Variants in SYTL3 observed in about 807,000 individuals in gnomAD.
The protein encoded by SYTL3 is synaptotagmin-like protein 3.
SYTL3 carries 88 observed loss-of-function variants against 82.1 expected under a neutral mutation model. The ratio of observed to expected loss-of-function variants is 1.07; its 90% CI spans 0.90 to 1.28. SYTL3 has a LOEUF of 1.28. SYTL3 is among the 50% of genes most tolerant of loss of function. The pLI is 0.00. For synonymous variants in SYTL3, 311 were observed against 289.4 expected (o/e 1.07, Z -0.76); for missense variants, 831 against 757.6 (o/e 1.10, Z -1.14).
intron 5 of SYTL3, among the ~76,000 whole-genome samples, chr6:158,679,027 T>C (rs1778363595): frequency 1.3e-5 from 2 of 152,184 alleles, no homozygotes; most frequent in African/African-American, 4.8e-5. Context: ...CTACAGGATC[T>C]ATCACCTCTA....
At chr6:158,687,431 AC>A (rs1249335426) in intron 6 of SYTL3, among the ~76,000 whole-genome samples, 4 of 152,162 alleles carry the variant, frequency 2.6e-5, no homozygotes, top group African/African-American at 9.7e-5. Context: ...CAGAAGCCAC[AC>A]CCTGTCATTT....
rs544841096 is a variant in SYTL3 at position 158,674,119 on chromosome 6, A to AATAATAATAATGATG, written c.329+8508_329+8509insAATAATAATGATGAT. 3.1e-3 allele frequency among the ~76,000 whole-genome samples: 441 copies of AATAATAATAATGATG among 141,434 alleles called. 5 individuals carry two copies. The highest frequency in any genetic ancestry group is 0.011 in the African/African-American group (397 of 36,462). 92.8% of individuals were successfully genotyped at this position (141,434 alleles called of 152,430 possible). ...TAATAATAATAATAATAATAATAAT[A>AATAATAATAATGATG]ATGATGATGATGATGATAATCTTCT... On this transcript the variant is annotated intron_variant, in intron 5 of 17. Coordinates refer to ENST00000611299, the MANE Select transcript of SYTL3 (RefSeq NM_001242394.2).
chr6:158,679,281 G>C (rs1778389261), intron 5 of SYTL3, among the ~76,000 whole-genome samples: 1 of 151,942 alleles, frequency 6.6e-6, no homozygotes. Flanking sequence ...GAGGAGGGAG[G>C]ATCACTTGAA....
At chr6:158,733,136 A>G (rs1785635820) in intron 11 of SYTL3, among the ~76,000 whole-genome samples, 1 of 152,132 alleles carries the variant, frequency 6.6e-6, no homozygotes, top group Non-Finnish European at 1.5e-5. Flanking sequence ...TATCCTATGT[A>G]GCTGTTAGAT....
chr6:158,704,318 T>TCCCTC (rs1781705724), intron 6 of SYTL3, among the ~76,000 whole-genome samples: 1 of 152,184 alleles, frequency 6.6e-6, no homozygotes, highest in Non-Finnish European at 1.5e-5. Context: ...AGTGCAACGT[T>TCCCTC]CCCTCTCCAG....
intron 6 of SYTL3, among the ~76,000 whole-genome samples, chr6:158,685,734 C>G (rs765278183): frequency 2.6e-5 from 4 of 152,094 alleles, no homozygotes; most frequent in Non-Finnish European, 5.9e-5. Context: ...AGGAGAATTG[C>G]TTAAAGCTGG....
chr6:158,732,285 C>T (rs150356718), intron 11 of SYTL3, among the ~76,000 whole-genome samples: 111 of 152,306 alleles, frequency 7.3e-4, no homozygotes, highest in African/African-American at 2.2e-3. Flanking sequence ...AATCACTCCT[C>T]CCAAGCACAA....
At chr6:158,721,569 T>C (rs2128474596) in intron 10 of SYTL3, among the ~76,000 whole-genome samples, 1 of 152,202 alleles carries the variant, frequency 6.6e-6, no homozygotes, top group African/African-American at 2.4e-5. Context: ...TCAGCAATGA[T>C]AGTATGATCT....
intron 8 of SYTL3, among the ~76,000 whole-genome samples, chr6:158,709,991 C>T (rs1333190885): frequency 2.0e-5 from 3 of 151,988 alleles, no homozygotes; most frequent in Non-Finnish European, 4.4e-5. Context: ...GCCATGATTG[C>T]GCCAATGCGT....
At chr6:158,681,117 A>G (rs1400250069) in intron 5 of SYTL3, among the ~76,000 whole-genome samples, 1 of 152,206 alleles carries the variant, frequency 6.6e-6, no homozygotes, top group Non-Finnish European at 1.5e-5. Flanking sequence ...TTTTTCTTAA[A>G]TTTGCATAAC....
At chr6:158,745,720 T>A in intron 12 of SYTL3, 62 bp downstream of exon 12, 4 of 1,244,656 alleles carry the variant, frequency 3.2e-6, no homozygotes, top group East Asian at 2.6e-5. Context: ...TATGAAAAAG[T>A]AAAAGTCTAA....
At chr6:158,752,149 C>G in intron 13 of SYTL3, 119 bp downstream of exon 13, 1 of 543,970 alleles carries the variant, frequency 1.8e-6, no homozygotes, top group Non-Finnish European at 3.1e-6. Context: ...AATACAGACA[C>G]CTATATGTTT....
Position 158,665,627 on chromosome 6 carries a change from G to T in SYTL3, c.329+14G>T, listed in dbSNP as rs199704961. On this transcript the variant is annotated intron_variant, in intron 5 of 17. Coordinates refer to ENST00000611299, the MANE Select transcript of SYTL3 (RefSeq NM_001242394.2). ...CTTCGAGGACAGGTAAGCATGGCCGGTGGTTGGATCCCTCCCACTGATTCA... is the reference window on the plus strand; with the variant it reads ...CTTCGAGGACAGGTAAGCATGGCCGTTGGTTGGATCCCTCCCACTGATTCA... 1.5e-4 allele frequency: 226 copies of T among 1,531,142 alleles called. 1 individual carries two copies. In the East Asian group the frequency reaches 4.6e-3, roughly 31 times the overall value. The allele number at this position is 1,531,142 out of a possible 1,614,324, so 94.8% of individuals were successfully genotyped here.
At chr6:158,745,715 A>G (rs1203223599) in intron 12 of SYTL3, 57 bp downstream of exon 12, 3 of 1,357,634 alleles carry the variant, frequency 2.2e-6, no homozygotes, top group African/African-American at 3.0e-5. Context: ...ATGTATATGA[A>G]AAAGTAAAAG....
chr6:158,648,590 CAAA>C (rs869171730), upstream of SYTL3, among the ~76,000 whole-genome samples: 4 of 131,424 alleles, frequency 3.0e-5, no homozygotes, highest in South Asian at 7.3e-4. Flanking sequence ...GACTCGGTCT[CAAA>C]AAAAAAAAAA....
chr6:158,763,913 G>A (rs917198969), intron 17 of SYTL3, among the ~76,000 whole-genome samples: 20 of 152,186 alleles, frequency 1.3e-4, no homozygotes, highest in African/African-American at 3.9e-4. Flanking sequence ...GGGCACCGCC[G>A]GCATGGTAGG....
At position 158,704,905 on chromosome 6, in the gene SYTL3, ACCCAGGG is replaced by A. The variant is rs1562399236; in HGVS notation, c.395-2323_395-2317del. On this transcript the variant is annotated intron_variant, in intron 6 of 17. Transcript: ENST00000611299. ...TGTAAGGCCACATAGGGCAGGAGGGACCCAGGGCAGGGTGACAGTGAGGGCTGTAAGG... is the reference window on the plus strand; with the variant it reads ...TGTAAGGCCACATAGGGCAGGAGGGACAGGGTGACAGTGAGGGCTGTAAGG... Among the ~76,000 whole-genome samples, 76 of 37,220 alleles carry A rather than the reference ACCCAGGG, an allele frequency of 2.0e-3. 5 individuals are homozygous for A. Among genetic ancestry groups the A allele is most frequent in the Non-Finnish European group, 2.5e-3 (49 of 19,542 alleles). 24.4% of individuals were successfully genotyped at this position (37,220 alleles called of 152,430 possible).
chr6:158,669,412 C>T (rs1777114728), intron 5 of SYTL3, among the ~76,000 whole-genome samples: 1 of 152,206 alleles, frequency 6.6e-6, no homozygotes, highest in African/African-American at 2.4e-5. Context: ...TCTGTGGACA[C>T]ACTGCCTGTT....
intron 12 of SYTL3, among the ~76,000 whole-genome samples, chr6:158,746,454 TAA>T (rs1491327061): frequency 1.6e-3 from 143 of 87,738 alleles, no homozygotes; most frequent in African/African-American, 4.5e-3. Context: ...ATAATAATAA[TAA>T]TAATATTATT....
Sources: allele counts gnomAD v4.1 joint callset (sites outside exome capture counted in the v4.1 genomes callset), GRCh38; gene constraint gnomAD v4.1.1; transcripts MANE v1.5; gene names NCBI Gene and HGNC (gene_info 2026-07-23, HGNC 2026-07-21).